Variants in ANKRD6 observed in about 807,000 individuals in gnomAD.
ANKRD6 encodes the protein ankyrin repeat domain 6.
ANKRD6 carries 56 observed loss-of-function variants against 82.3 expected under a neutral mutation model. That is an observed-to-expected ratio of 0.68 (90% CI 0.55 to 0.85). The LOEUF (loss-of-function observed/expected upper bound fraction) is 0.85, where lower values mean the gene tolerates loss of function less well. Among genes scored for constraint, ANKRD6 ranks in the 40% least tolerant of loss-of-function variants. The pLI is 0.00. For synonymous variants in ANKRD6, 347 were observed against 352.1 expected, an observed-to-expected ratio of 0.99 and a Z score of 0.16; for missense variants, 852 against 907.6, an observed-to-expected ratio of 0.94 and a Z score of 0.79.
chr6:89,566,836 C>T lies in ANKRD6; in HGVS notation c.-141C>T. ...CACCTTTGTTTTGTAACCCCTAGGT[C>T]CCGAAGATGGCATATTCATAAAGAC... On this transcript the variant is annotated splice_region_variant and 5_prime_UTR_variant, in exon 2 of 16. Transcript: ENST00000339746. 8.4e-7 allele frequency: 1 copy of T among 1,192,606 alleles called. No individual in the cohort carries two copies. The allele number at this position is 1,192,606 out of a possible 1,614,324, so 73.9% of individuals were successfully genotyped here.
At chr6:89,629,501 TAC>T (rs1189209638) in intron 15 of ANKRD6, 1 of 473,212 alleles carries the variant, frequency 2.1e-6, no homozygotes, top group African/African-American at 2.0e-5. Flanking sequence ...TTGCCTTGAG[TAC>T]AGTGTTGATA....
intron 1 of ANKRD6, among the ~76,000 whole-genome samples, chr6:89,481,729 CTGG>C (rs1490478457): frequency 6.6e-6 from 1 of 151,982 alleles, no homozygotes; most frequent in Non-Finnish European, 1.5e-5. Context: ...GCTGGCAGTG[CTGG>C]TGGTACTGCT....
intron 1 of ANKRD6, among the ~76,000 whole-genome samples, chr6:89,472,390 CT>C (rs2127790134): frequency 6.6e-6 from 1 of 152,270 alleles, no homozygotes; most frequent in African/African-American, 2.4e-5. Context: ...TTTCTTGGAT[CT>C]TTGGGATATG....
At chr6:89,595,820 A>C in intron 2 of ANKRD6, 96 bp from the exon 3 acceptor site, 1 of 923,730 alleles carries the variant, frequency 1.1e-6, no homozygotes, top group South Asian at 1.5e-5. Context: ...TGATCATCCG[A>C]AAGCCCCTGT....
intron 1 of ANKRD6, among the ~76,000 whole-genome samples, chr6:89,464,215 A>G (rs1376841079): frequency 6.6e-6 from 1 of 152,184 alleles, no homozygotes; most frequent in African/African-American, 2.4e-5. Flanking sequence ...TTTATCTAGT[A>G]GTCTAAATTC....
At chr6:89,457,672 T>C (rs984531523) in intron 1 of ANKRD6, among the ~76,000 whole-genome samples, 3 of 152,192 alleles carry the variant, frequency 2.0e-5, no homozygotes, top group African/African-American at 7.2e-5. Context: ...AACTCTAAAA[T>C]ATGGCAGTAG....
intron 1 of ANKRD6, among the ~76,000 whole-genome samples, chr6:89,541,051 AG>A (rs1784391473): frequency 6.6e-6 from 1 of 152,168 alleles, no homozygotes. Flanking sequence ...ATTTGAAGTC[AG>A]GTAATGTGAT....
chr6:89,579,208 A>G (rs1583434367), intron 2 of ANKRD6, among the ~76,000 whole-genome samples: 1 of 152,346 alleles, frequency 6.6e-6, no homozygotes, highest in East Asian at 1.9e-4. Flanking sequence ...GCATCATATC[A>G]TCACCTCTAA....
In ANKRD6 at chr6:89,433,977, G is replaced by C. The variant is rs1023222172; in HGVS notation, c.-144+602G>C. Among the ~76,000 whole-genome samples the C allele has an allele frequency of 1.3e-5, 2 of 152,214 alleles. No individual in the cohort carries two copies. Among genetic ancestry groups the C allele is most frequent in the African/African-American group, 4.8e-5 (2 of 41,452 alleles). On this transcript the variant is annotated intron_variant, in intron 1 of 15. Coordinates refer to ENST00000339746, the MANE Select transcript of ANKRD6 (RefSeq NM_001242809.2). This position sits in a 1 kb window ranked among gnomAD's most constrained non-coding sequence, Gnocchi z 4.3. ...AAGCTTATCTTGGGCTTTTAAGTGT[G>C]TTGCTTCCGGTAGATCTCGGGGACT...
intron 2 of ANKRD6, 111 bp downstream of exon 2, chr6:89,567,207 C>A: frequency 7.0e-7 from 1 of 1,419,480 alleles, no homozygotes; most frequent in Non-Finnish European, 9.4e-7. Flanking sequence ...ACTGGCTTTT[C>A]TTCCAATGAT....
intron 10 of ANKRD6, among the ~76,000 whole-genome samples, chr6:89,623,155 C>T (rs1804249657): frequency 6.6e-6 from 1 of 151,870 alleles, no homozygotes; most frequent in Non-Finnish European, 1.5e-5. Flanking sequence ...TCTACAACAT[C>T]GAATTGGACC....
chr6:89,525,567 T>A (rs976203300), intron 1 of ANKRD6, among the ~76,000 whole-genome samples: 3 of 152,222 alleles, frequency 2.0e-5, no homozygotes, highest in Admixed American at 6.5e-5. Context: ...AGATAGCCTC[T>A]GGCATGGACC....
At chr6:89,579,355 T>C (rs1225641233) in intron 2 of ANKRD6, among the ~76,000 whole-genome samples, 2 of 152,154 alleles carry the variant, frequency 1.3e-5, no homozygotes, top group Admixed American at 6.5e-5. Context: ...ATTCTGACAA[T>C]GCAACAATGC....
intron 1 of ANKRD6, among the ~76,000 whole-genome samples, chr6:89,501,698 A>C (rs191998368): frequency 7.9e-4 from 121 of 152,358 alleles, no homozygotes; most frequent in Non-Finnish European, 1.2e-3. Context: ...GATAACATCC[A>C]TGTGGAGATG....
chr6:89,603,597 C>T (rs961734114), intron 4 of ANKRD6, among the ~76,000 whole-genome samples: 12 of 151,852 alleles, frequency 7.9e-5, no homozygotes, highest in African/African-American at 2.4e-4. Flanking sequence ...AGGCCTGGGT[C>T]GGGGGGGTAA....
chr6:89,552,599 A>G (rs1786002708), intron 1 of ANKRD6, among the ~76,000 whole-genome samples: 1 of 152,150 alleles, frequency 6.6e-6, no homozygotes. Flanking sequence ...ATCTAATTGG[A>G]GAATTTAGCC....
At chr6:89,603,953 G>A (rs865840302) in intron 4 of ANKRD6, among the ~76,000 whole-genome samples, 34 of 152,358 alleles carry the variant, frequency 2.2e-4, no homozygotes, top group African/African-American at 7.9e-4. Context: ...AGTGAGCCAT[G>A]ACTGCATCAC....
chr6:89,450,917 A>G (rs1036188700), intron 1 of ANKRD6, among the ~76,000 whole-genome samples: 4 of 152,230 alleles, frequency 2.6e-5, no homozygotes, highest in Non-Finnish European at 4.4e-5. Context: ...TAGGAAACCA[A>G]AAAAATTGTG....
intron 5 of ANKRD6, among the ~76,000 whole-genome samples, chr6:89,606,630 T>C (rs1798685649): frequency 6.6e-6 from 1 of 152,056 alleles, no homozygotes; most frequent in African/African-American, 2.4e-5. Flanking sequence ...CTGAGGTGGG[T>C]GGATCACCTG....
Sources: gnomAD v4.1 joint callset for allele counts (sites outside exome capture counted in the v4.1 genomes callset) on GRCh38, gnomAD v4.1.1 for gene constraint, Gnocchi (gnomAD v3.1) non-coding constraint, MANE v1.5 for transcripts, NCBI Gene and HGNC (gene_info 2026-07-23, HGNC 2026-07-21) for gene names.